Variants in ERCC6 observed in about 807,000 individuals in gnomAD.
ERCC6 encodes the protein DNA excision repair protein ERCC-6.
A neutral mutation model predicts 158.7 loss-of-function variants in ERCC6; 116 were observed. The ratio of observed to expected loss-of-function variants is 0.73; its 90% CI spans 0.63 to 0.85. The LOEUF is 0.85. ERCC6 is among the 40% of genes least tolerant of loss of function. The pLI is 0.00. For synonymous variants in ERCC6, 678 were observed against 659.3 expected, an observed-to-expected ratio of 1.03 and a Z score of -0.43; for missense variants, 1,698 against 1,799.4, an observed-to-expected ratio of 0.94 and a Z score of 1.02.
chr10:49,510,376 T>C (rs1005038055), intron 5 of ERCC6, among the ~76,000 whole-genome samples: 1 of 152,152 alleles, frequency 6.6e-6, no homozygotes, highest in African/African-American at 2.4e-5. Context: ...CTCATCTCTG[T>C]GCACCTGCAT....
intron 8 of ERCC6, among the ~76,000 whole-genome samples, chr10:49,491,016 C>G (rs1851165806): frequency 6.6e-6 from 1 of 152,104 alleles, no homozygotes; most frequent in Non-Finnish European, 1.5e-5. Flanking sequence ...CACGTGTAAG[C>G]CAGCAGGTAT....
intron 5 of ERCC6, among the ~76,000 whole-genome samples, chr10:49,507,626 G>A (rs911347011): frequency 3.3e-5 from 5 of 152,118 alleles, no homozygotes; most frequent in Non-Finnish European, 7.4e-5. Flanking sequence ...ATGCAATGGT[G>A]TACAACAATC....
In ERCC6 at chr10:49,474,222, G is replaced by A. The variant is rs114896216; in HGVS notation, c.2403C>T (p.Ala801=). The A allele has an allele frequency of 4.1e-4, 654 of 1,613,970 alleles. 3 individuals are homozygous for A. In the African/African-American group the frequency reaches 8.0e-3, roughly 20 times the overall value. Residue 801 remains alanine, a synonymous_variant, in exon 13 of 21, where the codon GCC becomes GCT. Coordinates refer to ENST00000355832, the MANE Select transcript of ERCC6 (RefSeq NM_000124.4). The stretch of plus-strand genomic sequence containing the variant: ...CAGGGTGGTTGCAAATTTTTCTTAG[G>A]GCTATAAGTCCGGAGAAAATCTGTG... ...GEMQIFSGLI[A]LRKICNHPDL...
upstream of ERCC6, chr10:49,539,383 C>T (rs1837684680): frequency 6.6e-6 from 1 of 152,336 alleles, no homozygotes; most frequent in Non-Finnish European, 1.5e-5. Flanking sequence ...TCACAATTAA[C>T]CTTGAACCCT....
chr10:49,528,558 C>T (rs756549029), intron 3 of ERCC6, 33 bp from the exon 4 acceptor site: 2 of 1,610,500 alleles, frequency 1.2e-6, no homozygotes, highest in Non-Finnish European at 1.7e-6. Flanking sequence ...CAGAAAACAG[C>T]AATGAAGTGA....
chr10:49,483,008 TA>T, intron 9 of ERCC6, 145 bp from the exon 10 acceptor site: 13 of 881,654 alleles, frequency 1.5e-5, no homozygotes, highest in Non-Finnish European at 2.3e-5. Flanking sequence ...ATACACATTT[TA>T]TGCAATTACA....
At chr10:49,461,776 A>C (rs1428480477) in intron 18 of ERCC6, among the ~76,000 whole-genome samples, 2 of 152,230 alleles carry the variant, frequency 1.3e-5, no homozygotes, top group East Asian at 3.8e-4. Context: ...TTTACAAACA[A>C]TAGCCAGCTA....
chr10:49,486,953 A>T (rs191078520), intron 8 of ERCC6, among the ~76,000 whole-genome samples: 1 of 152,264 alleles, frequency 6.6e-6, no homozygotes, highest in Admixed American at 6.5e-5. Flanking sequence ...CTTTACAGAT[A>T]AAACCTAGTA....
intron 20 of ERCC6, chr10:49,459,973 A>C (rs942220863): frequency 6.8e-6 from 2 of 295,684 alleles, no homozygotes; most frequent in African/African-American, 4.4e-5. Flanking sequence ...GCAGAGAAAG[A>C]CAGGCACTCT....
intron 1 of ERCC6, among the ~76,000 whole-genome samples, chr10:49,534,638 CCA>C (rs1176334795): frequency 2.0e-5 from 3 of 152,144 alleles, no homozygotes; most frequent in Non-Finnish European, 4.4e-5. Context: ...ACATTGTACT[CCA>C]CATACTCAGG....
the ERCC6 span, among the ~76,000 whole-genome samples, chr10:49,438,064 C>T: frequency 6.6e-6 from 1 of 152,176 alleles, no homozygotes; most frequent in South Asian, 2.1e-4. Context: ...TTTCTAAAAA[C>T]GTATTCTTGA....
chr10:49,533,952 G>A (rs1469515702), intron 1 of ERCC6, among the ~76,000 whole-genome samples: 12 of 151,788 alleles, frequency 7.9e-5, no homozygotes, highest in Non-Finnish European at 4.4e-5. Context: ...TGGCAAACAT[G>A]GTGAAACCCG....
Position 49,524,201 on chromosome 10 carries a change from C to T in ERCC6, c.1229G>A (p.Gly410Asp), listed in dbSNP as rs138865542. The change falls in exon 5 of 21, where the codon GGC (glycine) becomes GAC (aspartate). Residue 410 changes from glycine (G) to aspartate (D), a missense_variant. Gly to Asp is a moderately conservative substitution (Grantham distance 94). Coordinates refer to ENST00000355832, the MANE Select transcript of ERCC6 (RefSeq NM_000124.4). ...TDYELKPLPK[G>D]GKRQKKVPVQ... ...TGGCACTTTCTTCTGCCGTTTCCCGCCCTTGGGCAGAGGCTTCAGCTCATA... is the reference window on the plus strand; with the variant it reads ...TGGCACTTTCTTCTGCCGTTTCCCGTCCTTGGGCAGAGGCTTCAGCTCATA... 181 of 1,614,074 alleles carry T rather than the reference C, an allele frequency of 1.1e-4. No individual in the cohort carries two copies. Among genetic ancestry groups the T allele is most frequent in the Admixed American group, 8.3e-5 (5 of 60,010 alleles).
chr10:49,463,893 C>CTT (rs1850626387), intron 18 of ERCC6, among the ~76,000 whole-genome samples: 1 of 152,168 alleles, frequency 6.6e-6, no homozygotes, highest in African/African-American at 2.4e-5. Context: ...AAACCTCTTT[C>CTT]TTTTGTAAAT....
At chr10:49,491,467 AATT>A (rs1851171659) in intron 8 of ERCC6, among the ~76,000 whole-genome samples, 1 of 152,208 alleles carries the variant, frequency 6.6e-6, no homozygotes. Context: ...ACACTGAAAA[AATT>A]ATTAACAACC....
Position 49,505,880 on chromosome 10 carries a change from ATACT to A in ERCC6, c.1526_1526+3del. ...ATAGAAAGGAAAGAACATATGGTAC[ATACT>A]TAAAAAGCTTTTTGAACAGAAAACC... On this transcript the variant is annotated splice_donor_variant and splice_donor_region_variant and coding_sequence_variant and intron_variant, in exon 6 of 21. Transcript: ENST00000355832. LOFTEE classifies it high-confidence loss of function. 6.2e-7 allele frequency: 1 copy of A among 1,613,090 alleles called. No individual in the cohort carries two copies. The highest frequency in any genetic ancestry group is 8.5e-7 in the Non-Finnish European group (1 of 1,179,402).
At chr10:49,516,051 A>C in intron 5 of ERCC6, 2 of 1,614,142 alleles carry the variant, frequency 1.2e-6, no homozygotes, top group Non-Finnish European at 1.7e-6. Flanking sequence ...AATACTGGTG[A>C]AAAAGTTATT....
At chr10:49,464,008 G>A (rs923830508) in intron 18 of ERCC6, among the ~76,000 whole-genome samples, 1 of 152,204 alleles carries the variant, frequency 6.6e-6, no homozygotes, top group African/African-American at 2.4e-5. Flanking sequence ...CCCAAAATGT[G>A]GAAGCAACTT....
the ERCC6 span, among the ~76,000 whole-genome samples, chr10:49,446,775 CTGCACT>C: frequency 2.6e-5 from 4 of 152,184 alleles, no homozygotes; most frequent in Non-Finnish European, 4.4e-5. Flanking sequence ...GATCGTGCCA[CTGCACT>C]TCAACCTGGG....
Sources: allele counts gnomAD v4.1 joint callset (sites outside exome capture counted in the v4.1 genomes callset), GRCh38; gene constraint gnomAD v4.1.1; transcripts MANE v1.5; gene names NCBI Gene and HGNC (gene_info 2026-07-23, HGNC 2026-07-21).